Variants in GORASP1 observed in about 807,000 individuals in gnomAD.
GORASP1 encodes Golgi reassembly-stacking protein 1.
Under a neutral mutation model 37.7 loss-of-function variants are expected in GORASP1, and 31 were observed. That is an observed-to-expected ratio of 0.82 (90% confidence interval 0.62 to 1.11). The LOEUF is 1.11. GORASP1 is among the 50% of genes least tolerant of loss of function. The pLI, the probability that GORASP1 is intolerant of heterozygous loss-of-function variation, is 0.00. For missense variants in GORASP1, 476 were observed against 560.7 expected, an observed-to-expected ratio of 0.85 and a Z score of 1.53; for synonymous variants, 204 against 224.8, an observed-to-expected ratio of 0.91 and a Z score of 0.83.
At position 39,098,939 on chromosome 3, in the gene GORASP1, G is replaced by A. The variant is rs1276540500; in HGVS notation, c.917-46C>T. The A allele has an allele frequency of 6.2e-7, 1 of 1,608,760 alleles. No individual in the cohort carries two copies. Among genetic ancestry groups the A allele is most frequent in the East Asian group, 2.2e-5 (1 of 44,794 alleles). ...TCTTTGCCAGCAAGAAACCCTGACT[G>A]CTGGAAAGCAGCACCCTGGGCTCAC... On this transcript the variant is annotated intron_variant, in intron 7 of 8. Transcript: ENST00000319283. This position sits in a 1 kb window ranked among gnomAD's most constrained non-coding sequence, Gnocchi z 4.7.
rs2035966439 is a variant in GORASP1 at position 39,105,218 on chromosome 3, T to TG, written c.64-1666dup. On this transcript the variant is annotated intron_variant, in intron 1 of 8. Coordinates refer to ENST00000319283, the MANE Select transcript of GORASP1 (RefSeq NM_031899.4). The surrounding 1 kb of genome is among the most constrained non-coding windows in gnomAD (Gnocchi z 5.4). ...GCTCCGCAGCTGAAATAATCTATGC[T>TG]GCTGCCCACTGTACGGCTCCCCCTG... Among the ~76,000 whole-genome samples the TG allele has an allele frequency of 6.6e-6, 1 of 152,032 alleles. No homozygotes were observed. The highest frequency in any genetic ancestry group is 2.1e-4 in the South Asian group (1 of 4,832).
At chr3:39,101,408 T>G in intron 3 of GORASP1, 2 of 562,708 alleles carry the variant, frequency 3.6e-6, no homozygotes, top group Non-Finnish European at 6.7e-6. Flanking sequence ...ATTGAACCTC[T>G]CCTAGCCTCA....
chr3:39,099,177 C>T (rs1553668610), intron 7 of GORASP1, 176 bp downstream of exon 7: 1 of 855,332 alleles, frequency 1.2e-6, no homozygotes. Flanking sequence ...GGCTACCTCT[C>T]TTCTCTGGAC....
rs969594750 is a variant in GORASP1, at chr3:39,105,118, C to T, written c.64-1565G>A. ...TTGACCCACCCAATACCTCCACCACCCTCTCCTGTGGCTTTGTCCTCTGCT... is the reference window on the plus strand; with the variant it reads ...TTGACCCACCCAATACCTCCACCACTCTCTCCTGTGGCTTTGTCCTCTGCT... On this transcript the variant is annotated intron_variant, in intron 1 of 8. Coordinates refer to ENST00000319283, the MANE Select transcript of GORASP1 (RefSeq NM_031899.4). This position sits in a 1 kb window ranked among gnomAD's most constrained non-coding sequence, Gnocchi z 5.4. Among the ~76,000 whole-genome samples the T allele has an allele frequency of 2.0e-5, 3 of 151,980 alleles. No individual in the cohort carries two copies. Among genetic ancestry groups the T allele is most frequent in the Non-Finnish European group, 4.4e-5 (3 of 67,986 alleles).
rs889543505 is a variant in GORASP1 at position 39,098,178 on chromosome 3, C to T, written c.*58G>A. ...TGACCGCATAGTGCAGCCCGGGCTG[C>T]CTGCCCACATCTGGGCCTCATGAAA... On this transcript the variant is annotated 3_prime_UTR_variant, in exon 9 of 9. Coordinates refer to ENST00000319283, the MANE Select transcript of GORASP1 (RefSeq NM_031899.4). The surrounding 1 kb of genome is among the most constrained non-coding windows in gnomAD (Gnocchi z 4.7). The T allele has an allele frequency of 1.3e-6, 2 of 1,576,706 alleles. No homozygotes were observed. Among genetic ancestry groups the T allele is most frequent in the South Asian group, 1.2e-5 (1 of 85,824 alleles).
rs762460573 is a variant in GORASP1 at position 39,107,481 on chromosome 3, C to G, written c.61G>C (p.Gly21Arg). The change falls in exon 1 of 9, where the codon GGG becomes CGG. Residue 21 changes from glycine to arginine, a missense_variant and splice_region_variant. Transcript: ENST00000319283. ...CCGGCGCCGCGGCGGCAACTCACCCCGTGGAGGTGGAAGCCCTCGGCGCCG... is the reference window on the plus strand; with the variant it reads ...CCGGCGCCGCGGCGGCAACTCACCCGGTGGAGGTGGAAGCCCTCGGCGCCG... ...AGGAEGFHLH[G>R]VQENSPAQQA... 2 of 1,428,734 alleles carry G rather than the reference C, an allele frequency of 1.4e-6. No homozygotes were observed. The highest frequency in any genetic ancestry group is 1.5e-5 in the African/African-American group (1 of 67,186). The allele number at this position is 1,428,734 out of a possible 1,614,324, so 88.5% of individuals were successfully genotyped here.
chr3:39,105,474 A>C lies in GORASP1; in HGVS notation c.64-1921T>G, dbSNP rs1474739634. Reference sequence around the variant, plus strand: ...GTCATTTAACCTTTTTAATAACCTCAAATGACAAATGAGACCAAGTACTCA... The same window carrying C: ...GTCATTTAACCTTTTTAATAACCTCCAATGACAAATGAGACCAAGTACTCA... On this transcript the variant is annotated intron_variant, in intron 1 of 8. Transcript: ENST00000319283. The surrounding 1 kb of genome is among the most constrained non-coding windows in gnomAD (Gnocchi z 5.4). Among the ~76,000 whole-genome samples the C allele has an allele frequency of 1.3e-5, 2 of 152,166 alleles. No homozygotes were observed. The highest frequency in any genetic ancestry group is 2.4e-5 in the African/African-American group (1 of 41,440).
intron 3 of GORASP1, 29 bp from the exon 4 acceptor site, chr3:39,101,131 A>G (rs1241047036): frequency 2.5e-6 from 4 of 1,605,662 alleles, no homozygotes. Flanking sequence ...ACCACTGGCC[A>G]TGCTACTAGA....
rs202113055 is a variant in GORASP1, at chr3:39,100,451, G to A, written c.619C>T (p.Pro207Ser). Residue 207 changes from proline to serine, a missense_variant, in exon 6 of 9, where the codon CCC (proline) becomes TCC (serine). Coordinates refer to ENST00000319283, the MANE Select transcript of GORASP1 (RefSeq NM_031899.4). The surrounding 1 kb of genome is among the most constrained non-coding windows in gnomAD (Gnocchi z 4.6). ...CCAGGTGGCTTCTTGTGGTAGCTGG[G>A]GGGCTGAGTTGGGATCCGGTGTAGA... ...GYLHRIPTQP[P>S]SYHKKPPGTP... 6.2e-7 allele frequency: 1 copy of A among 1,608,506 alleles called. No homozygotes were observed. Among genetic ancestry groups the A allele is most frequent in the Non-Finnish European group, 8.5e-7 (1 of 1,177,106 alleles).
rs1047628450 is a variant in GORASP1, at chr3:39,100,024, TC to T, written c.765+280del. ...GCCCTTTGTCCAGTTTTGCCACAAC[TC>T]ACAGGCACAGCAAGCACCCATCTCT... On this transcript the variant is annotated intron_variant, in intron 6 of 8. Transcript: ENST00000319283. The surrounding 1 kb of genome is among the most constrained non-coding windows in gnomAD (Gnocchi z 4.6). Among the ~76,000 whole-genome samples the T allele has an allele frequency of 6.6e-6, 1 of 152,204 alleles. No homozygotes were observed. Among genetic ancestry groups the T allele is most frequent in the African/African-American group, 2.4e-5 (1 of 41,442 alleles).
At position 39,105,302 on chromosome 3, in the gene GORASP1, G is replaced by T. The variant is rs568076697; in HGVS notation, c.64-1749C>A. ...GGGCTCCCATCACAGCCTGCCCCAA[G>T]GCCCTATAGTGCTGCTTTTCCTCAT... On this transcript the variant is annotated intron_variant, in intron 1 of 8. Coordinates refer to ENST00000319283, the MANE Select transcript of GORASP1 (RefSeq NM_031899.4). This position sits in a 1 kb window ranked among gnomAD's most constrained non-coding sequence, Gnocchi z 5.4. Among the ~76,000 whole-genome samples, 1 of 151,992 alleles carries T rather than the reference G, an allele frequency of 6.6e-6. No individual in the cohort carries two copies. The highest frequency in any genetic ancestry group is 2.1e-4 in the South Asian group (1 of 4,806).
chr3:39,104,958 T>G (rs1369081823), intron 1 of GORASP1, among the ~76,000 whole-genome samples: 3 of 152,118 alleles, frequency 2.0e-5, no homozygotes, highest in African/African-American at 7.2e-5. Context: ...ACAATGCCCC[T>G]CCCTAATCAG....
At position 39,098,864 on chromosome 3, in the gene GORASP1, A is replaced by T. The variant is rs753331061; in HGVS notation, c.946T>A (p.Leu316Met). ...CACACACTGGCATTGCTGTTGTCCA[A>T]GAGAGAAATTCCCGACACGTCCAGG... ...GFLDVSGISLLDNSNASVWPS... is the reference protein window; with the variant it reads ...GFLDVSGISLMDNSNASVWPS... Residue 316 changes from leucine (L) to methionine (M), a missense_variant, in exon 8 of 9, where the codon TTG (leucine) becomes ATG (methionine). Transcript: ENST00000319283. This position sits in a 1 kb window ranked among gnomAD's most constrained non-coding sequence, Gnocchi z 4.7. 2 of 1,614,130 alleles carry T rather than the reference A, an allele frequency of 1.2e-6. No homozygotes were observed. Among genetic ancestry groups the T allele is most frequent in the East Asian group, 4.5e-5 (2 of 44,884 alleles).
At chr3:39,099,939 G>T (rs911900099) in intron 6 of GORASP1, among the ~76,000 whole-genome samples, 1 of 152,228 alleles carries the variant, frequency 6.6e-6, no homozygotes, top group Admixed American at 6.5e-5. Flanking sequence ...TGAAGGCAGG[G>T]CCAGCACTTC....
In GORASP1 at chr3:39,101,622, C is replaced by T. The variant is rs2035725692; in HGVS notation, c.349-520G>A. 6.6e-6 allele frequency: 3 copies of T among 452,744 alleles called. No homozygotes were observed. In the Admixed American group the frequency reaches 7.2e-5, roughly 11 times the overall value. The allele number at this position is 452,744 out of a possible 1,614,324, so 28.0% of individuals were successfully genotyped here. ...GCAAAACTGGGTACAAATAAGGATT[C>T]CCTTCTCCCTTGGAAAGTTCCACCA... On this transcript the variant is annotated intron_variant, in intron 3 of 8. Transcript: ENST00000319283.
chr3:39,098,006 G>C lies in GORASP1; in HGVS notation c.*230C>G. The C allele has an allele frequency of 3.5e-6, 2 of 569,124 alleles. No homozygotes were observed. The highest frequency in any genetic ancestry group is 3.1e-6 in the Non-Finnish European group (1 of 319,138). The allele number at this position is 569,124 out of a possible 1,614,324, so 35.3% of individuals were successfully genotyped here. A position where few individuals can be genotyped will look rare whatever the true frequency, so the allele number is the denominator to read the frequency against. On this transcript the variant is annotated 3_prime_UTR_variant, in exon 9 of 9. Transcript: ENST00000319283. The surrounding 1 kb of genome is among the most constrained non-coding windows in gnomAD (Gnocchi z 4.7). ...TCACACTGGATTATGACCAGACCCTGCTGCCTCCTGGGAAGCCCCAGTGAC... is the reference window on the plus strand; with the variant it reads ...TCACACTGGATTATGACCAGACCCTCCTGCCTCCTGGGAAGCCCCAGTGAC...
Position 39,100,593 on chromosome 3 carries a change from G to T in GORASP1, c.567-90C>A. The T allele has an allele frequency of 6.8e-7, 1 of 1,471,868 alleles. No homozygotes were observed. The highest frequency in any genetic ancestry group is 9.2e-7 in the Non-Finnish European group (1 of 1,091,120). 91.2% of individuals were successfully genotyped at this position (1,471,868 alleles called of 1,614,324 possible). A position where few individuals can be genotyped will look rare whatever the true frequency, so the allele number is the denominator to read the frequency against. ...CCCACCTACTACCAGCAATAAGGGG[G>T]CTGAAAAGGGTACTTCTGAAATACC... On this transcript the variant is annotated intron_variant, in intron 5 of 8. Transcript: ENST00000319283. This position sits in a 1 kb window ranked among gnomAD's most constrained non-coding sequence, Gnocchi z 4.6.
At chr3:39,101,607 G>A (rs1303155299) in intron 3 of GORASP1, 1 of 455,216 alleles carries the variant, frequency 2.2e-6, no homozygotes, top group Non-Finnish European at 4.4e-6. Flanking sequence ...GCAAAACTGG[G>A]TACAAATAAG....
Position 39,105,848 on chromosome 3 carries a change from G to T in GORASP1, c.63+1631C>A, listed in dbSNP as rs952197817. Among the ~76,000 whole-genome samples, 3 of 152,172 alleles carry T rather than the reference G, an allele frequency of 2.0e-5. No individual in the cohort carries two copies. Among genetic ancestry groups the T allele is most frequent in the African/African-American group, 7.2e-5 (3 of 41,432 alleles). On this transcript the variant is annotated intron_variant, in intron 1 of 8. Transcript: ENST00000319283. This position sits in a 1 kb window ranked among gnomAD's most constrained non-coding sequence, Gnocchi z 5.4. ...CTGGCCACACCATCCAAGCACACCA[G>T]CCTCACCTGGCATTTCCTCAAACAC...
Sources: allele counts gnomAD v4.1 joint callset (sites outside exome capture counted in the v4.1 genomes callset), GRCh38; gene constraint gnomAD v4.1.1; non-coding constraint Gnocchi (gnomAD v3.1); transcripts MANE v1.5; gene names NCBI Gene and HGNC (gene_info 2026-07-23, HGNC 2026-07-21).